Variants in ZWILCH observed in about 807,000 individuals in gnomAD.
ZWILCH encodes zwilch kinetochore protein.
ZWILCH carries 74 observed loss-of-function variants against 79.9 expected under a neutral mutation model. The observed-to-expected ratio is 0.93, with a 90% CI of 0.77 to 1.12. The LOEUF (loss-of-function observed/expected upper bound fraction) is 1.12, where lower values mean the gene tolerates loss of function less well. Ranked by LOEUF, ZWILCH falls within the 50% of genes most tolerant of loss-of-function variation. ZWILCH has a pLI of 0.00. For missense variants in ZWILCH, 694 were observed against 687.5 expected (o/e 1.01, Z -0.11); for synonymous variants, 241 against 228.2 (o/e 1.06, Z -0.51).
chr15:66,528,797 A>G, intron 10 of ZWILCH, 55 bp from the exon 11 acceptor site: 2 of 1,498,244 alleles, frequency 1.3e-6, no homozygotes, highest in South Asian at 1.2e-5. Context: ...GAAGGCTTAA[A>G]TTATTTCACT....
Position 66,521,173 on chromosome 15 carries a change from C to T in ZWILCH, c.715C>T (p.Gln239Ter). The change falls in exon 7 of 19, where the codon CAA (glutamine) becomes TAA (stop). Residue 239 changes from glutamine to a stop codon, truncating the protein, a stop_gained. Transcript: ENST00000307897. LOFTEE classifies it high-confidence loss of function. ...ISWSPVDEIL[Q>*]IPPLSSTATL... ...CTGGAGTCCTGTGGATGAGATTCTTCAAATCCCTCCACTCTCTTCAACTGC... is the reference window on the plus strand; with the variant it reads ...CTGGAGTCCTGTGGATGAGATTCTTTAAATCCCTCCACTCTCTTCAACTGC... 2 of 1,613,140 alleles carry T rather than the reference C, an allele frequency of 1.2e-6. No homozygotes were observed. Among genetic ancestry groups the T allele is most frequent in the East Asian group, 2.2e-5 (1 of 44,882 alleles).
intron 1 of ZWILCH, 168 bp downstream of exon 1, chr15:66,505,559 G>C: frequency 1.4e-6 from 1 of 696,576 alleles, no homozygotes; most frequent in East Asian, 2.9e-5. Context: ...GTGTGGGGTT[G>C]ACCGTGTGGG....
intron 7 of ZWILCH, among the ~76,000 whole-genome samples, chr15:66,522,787 T>C (rs1340464508): frequency 6.6e-6 from 1 of 152,168 alleles, no homozygotes; most frequent in Non-Finnish European, 1.5e-5. Flanking sequence ...GCCTGGATAG[T>C]GTTAATAGTG....
intron 2 of ZWILCH, among the ~76,000 whole-genome samples, chr15:66,511,347 G>C (rs2140740546): frequency 6.6e-6 from 1 of 152,076 alleles, no homozygotes; most frequent in South Asian, 2.1e-4. Flanking sequence ...AATTAGCTGG[G>C]TGTGGTGTCA....
chr15:66,521,101 G>A lies in ZWILCH; in HGVS notation c.643G>A (p.Asp215Asn). 6.2e-7 allele frequency: 1 copy of A among 1,614,104 alleles called. No homozygotes were observed. The highest frequency in any genetic ancestry group is 8.5e-7 in the Non-Finnish European group (1 of 1,180,020). The change falls in exon 7 of 19, where the codon GAT (aspartate) becomes AAT (asparagine). Residue 215 changes from aspartate (D) to asparagine (N), a missense_variant. Physicochemically the swap from Asp to Asn is conservative, Grantham distance 23. Coordinates refer to ENST00000307897, the MANE Select transcript of ZWILCH (RefSeq NM_017975.5). ...QYELFKSSAL[D>N]DTITASQTAI... ...TGAGCTCTTTAAGTCCTCTGCCTTG[G>A]ATGATACAATCACAGCATCACAAAC...
At position 66,527,919 on chromosome 15, in the gene ZWILCH, G is replaced by T. The variant is rs192847477; in HGVS notation, c.969+7G>T. On this transcript the variant is annotated splice_region_variant and intron_variant, in intron 10 of 18. Transcript: ENST00000307897. ...AAAAGACACTGAGGTTGAGGTAAGT[G>T]ATTATTATCAGTTAGAAATATACAC... 908 of 1,594,590 alleles carry T rather than the reference G, an allele frequency of 5.7e-4. 7 individuals are homozygous for T. In the African/African-American group the frequency reaches 0.011, roughly 20 times the overall value.
chr15:66,533,730 G>GCA (rs61385253), intron 14 of ZWILCH, among the ~76,000 whole-genome samples: 42 of 149,842 alleles, frequency 2.8e-4, no homozygotes, highest in South Asian at 1.5e-3. Flanking sequence ...ACACACACGC[G>GCA]CACACACACA....
At chr15:66,522,820 A>G (rs1455107941) in intron 7 of ZWILCH, among the ~76,000 whole-genome samples, 2 of 152,048 alleles carry the variant, frequency 1.3e-5, no homozygotes, top group Admixed American at 6.6e-5. Context: ...TGGCAAGATT[A>G]TGGATAATTA....
intron 5 of ZWILCH, among the ~76,000 whole-genome samples, chr15:66,519,730 C>G (rs1375451472): frequency 2.0e-5 from 3 of 152,314 alleles, no homozygotes; most frequent in East Asian, 3.9e-4. Context: ...AAGATCCACC[C>G]CCCTCGGCCT....
At chr15:66,529,071 CT>C (rs1894780365) in intron 11 of ZWILCH, 114 bp downstream of exon 11, 1 of 757,718 alleles carries the variant, frequency 1.3e-6, no homozygotes, top group East Asian at 2.7e-5. Flanking sequence ...TGGTTCTTAA[CT>C]TTATCTAATT....
rs1238623135 is a variant in ZWILCH at position 66,540,228 on chromosome 15, T to A, written c.1687+18T>A. 2.6e-6 allele frequency: 4 copies of A among 1,563,442 alleles called. No homozygotes were observed. The highest frequency in any genetic ancestry group is 3.5e-6 in the Non-Finnish European group (4 of 1,136,368). On this transcript the variant is annotated intron_variant, in intron 17 of 18. Transcript: ENST00000307897. ...CAAACCTGGTAAAGATGGTTTATAA[T>A]CTGTTCAGATAAATAATTCCAACAG...
chr15:66,530,774 A>G (rs1408260068), intron 12 of ZWILCH, among the ~76,000 whole-genome samples: 1 of 152,242 alleles, frequency 6.6e-6, no homozygotes, highest in South Asian at 2.1e-4. Context: ...TTTAGGTAAT[A>G]TGACTACCAA....
chr15:66,505,533 C>G, intron 1 of ZWILCH, 142 bp downstream of exon 1: 1 of 959,958 alleles, frequency 1.0e-6, no homozygotes, highest in Non-Finnish European at 1.6e-6. Context: ...TGGGGAGAGG[C>G]CGGTTCTCGG....
chr15:66,529,360 A>C (rs1555425361), intron 11 of ZWILCH, 134 bp from the exon 12 acceptor site: 3 of 520,662 alleles, frequency 5.8e-6, no homozygotes, highest in East Asian at 6.4e-5. Context: ...TGCCACTTTA[A>C]TTTCTTTCCC....
At chr15:66,525,455 C>T (rs971268532) in intron 8 of ZWILCH, among the ~76,000 whole-genome samples, 2 of 152,080 alleles carry the variant, frequency 1.3e-5, no homozygotes, top group Admixed American at 6.5e-5. Flanking sequence ...TCTTTTATTC[C>T]ACATATACCT....
intron 16 of ZWILCH, among the ~76,000 whole-genome samples, chr15:66,537,896 G>C (rs905794074): frequency 1.8e-4 from 27 of 151,980 alleles, no homozygotes; most frequent in Non-Finnish European, 1.3e-4. Flanking sequence ...CTAGACTGTT[G>C]GGCCTCTAGT....
chr15:66,531,211 G>C (rs1894841120), intron 12 of ZWILCH, among the ~76,000 whole-genome samples: 1 of 152,160 alleles, frequency 6.6e-6, no homozygotes, highest in African/African-American at 2.4e-5. Context: ...AGTTCCTTAT[G>C]AACATGCATG....
Position 66,530,593 on chromosome 15 carries a change from C to T in ZWILCH, c.1155+1020C>T, listed in dbSNP as rs1303377000. On this transcript the variant is annotated intron_variant, in intron 12 of 18. Transcript: ENST00000307897. ...CAGAGGTGGCAGTGAGCTGAGATTG[C>T]ACCACTCCACTCCAGCCTGGGCAAC... is the stretch of plus-strand genomic sequence containing the variant. Among the ~76,000 whole-genome samples the T allele has an allele frequency of 6.6e-5, 10 of 152,298 alleles. No homozygotes were observed. In the East Asian group the frequency reaches 1.5e-3, roughly 24 times the overall value.
intron 3 of ZWILCH, among the ~76,000 whole-genome samples, chr15:66,515,107 A>ATTTT (rs566687064): frequency 4.7e-5 from 7 of 147,474 alleles, no homozygotes; most frequent in African/African-American, 1.7e-4. Flanking sequence ...ACCCTGGCTG[A>ATTTT]TTTTTTTTTT....
Sources: gnomAD v4.1 joint callset for allele counts (sites outside exome capture counted in the v4.1 genomes callset) on GRCh38, gnomAD v4.1.1 for gene constraint, MANE v1.5 for transcripts, NCBI Gene and HGNC (gene_info 2026-07-23, HGNC 2026-07-21) for gene names.